Variants in TMEM135 observed in about 807,000 individuals in gnomAD.
The protein encoded by TMEM135 is transmembrane protein 135, also known as peroxisomal membrane protein 52.
TMEM135 carries 30 observed loss-of-function variants against 60.3 expected under a neutral mutation model. That is an observed-to-expected ratio of 0.50 (90% CI 0.37 to 0.68). The LOEUF is 0.68. Ranked by LOEUF, TMEM135 falls within the 30% of genes least tolerant of loss-of-function variation. The probability of loss-of-function intolerance (pLI) is 0.00; values close to 1 mark genes in which losing one functional copy is unlikely to be tolerated. For synonymous variants in TMEM135, 190 were observed against 186.7 expected (o/e 1.02, Z -0.14); for missense variants, 468 against 548.8 (o/e 0.85, Z 1.47).
rs532448599 is a variant in TMEM135 at position 87,169,994 on chromosome 11, C to T, written c.462+12588C>T. ...TCCCATATTTCTTGGAGGCTTCCTT[C>T]GTTCCTTTTTAGTCTTTTTTTTTTC... On this transcript the variant is annotated intron_variant, in intron 5 of 14. Transcript: ENST00000305494. Among the ~76,000 whole-genome samples the T allele has an allele frequency of 2.9e-3, 432 of 149,538 alleles. 2 individuals carry two copies. The highest frequency in any genetic ancestry group is 9.7e-3 in the African/African-American group (395 of 40,632).
intron 8 of TMEM135, among the ~76,000 whole-genome samples, chr11:87,302,988 G>C (rs1458163057): frequency 8.6e-5 from 13 of 152,044 alleles, no homozygotes; most frequent in Non-Finnish European, 1.3e-4. Context: ...TTAATAGTTT[G>C]AAATTAGATT....
At chr11:87,089,327 A>C (rs559622510) in intron 3 of TMEM135, among the ~76,000 whole-genome samples, 1 of 152,294 alleles carries the variant, frequency 6.6e-6, no homozygotes, top group Non-Finnish European at 1.5e-5. Flanking sequence ...CTAAATCCAG[A>C]AACTTGAACC....
At chr11:87,142,968 A>G (rs2135247865) in intron 4 of TMEM135, among the ~76,000 whole-genome samples, 1 of 147,424 alleles carries the variant, frequency 6.8e-6, no homozygotes, top group Non-Finnish European at 1.5e-5. Flanking sequence ...GAACTATTTG[A>G]TATTTCTTGG....
At chr11:87,169,661 G>A (rs1252820517) in intron 5 of TMEM135, among the ~76,000 whole-genome samples, 1 of 152,104 alleles carries the variant, frequency 6.6e-6, no homozygotes, top group Non-Finnish European at 1.5e-5. Context: ...GGTTTCTGTA[G>A]AGATACCTGC....
intron 6 of TMEM135, among the ~76,000 whole-genome samples, chr11:87,268,362 C>T (rs1056672751): frequency 4.0e-5 from 6 of 151,650 alleles, no homozygotes; most frequent in Non-Finnish European, 5.9e-5. Context: ...GCAATCCCCC[C>T]ACCTTGGCCT....
At chr11:87,216,929 TAAGTAAGTAGTGTATGTAATAA>T (rs1940515236) in intron 5 of TMEM135, among the ~76,000 whole-genome samples, 1 of 152,186 alleles carries the variant, frequency 6.6e-6, no homozygotes, top group South Asian at 2.1e-4. Context: ...TATTTACATC[TAAGTAAGTAGTGTATGTAATAA>T]AATAGCATAA....
chr11:87,195,722 T>C (rs982589112), intron 5 of TMEM135, among the ~76,000 whole-genome samples: 11 of 152,178 alleles, frequency 7.2e-5, no homozygotes, highest in African/African-American at 2.2e-4. Flanking sequence ...AAAAGTCATT[T>C]TCTTACTTCA....
intron 5 of TMEM135, among the ~76,000 whole-genome samples, chr11:87,191,988 T>TTTC (rs1555116179): frequency 1.3e-5 from 1 of 75,708 alleles, no homozygotes. Context: ...TTTTCTTTTC[T>TTTC]TTTTTTTTTT....
chr11:87,095,364 C>T (rs932600413), intron 4 of TMEM135: 1 of 216,614 alleles, frequency 4.6e-6, no homozygotes, highest in South Asian at 8.5e-5. Context: ...CAGTTTTCTA[C>T]CACAATAAAA....
At chr11:87,069,130 C>G (rs1856724801) in intron 2 of TMEM135, among the ~76,000 whole-genome samples, 2 of 150,596 alleles carry the variant, frequency 1.3e-5, no homozygotes, top group South Asian at 4.2e-4. Context: ...ACTAAAAATA[C>G]AAAAAATTAG....
intron 5 of TMEM135, among the ~76,000 whole-genome samples, chr11:87,205,868 T>C (rs1591102953): frequency 2.6e-5 from 4 of 152,278 alleles, no homozygotes; most frequent in South Asian, 2.1e-4. Flanking sequence ...GGATAAGGAA[T>C]TGGGGACTTG....
At chr11:87,113,716 A>T (rs1857809538) in intron 4 of TMEM135, among the ~76,000 whole-genome samples, 1 of 146,208 alleles carries the variant, frequency 6.8e-6, no homozygotes, top group Admixed American at 6.9e-5. Flanking sequence ...GAAAGCTGAG[A>T]TCTTTTCAGT....
chr11:87,253,919 A>G (rs61904477), intron 6 of TMEM135, among the ~76,000 whole-genome samples: 99,723 of 151,242 alleles, frequency 0.66, 33,377 homozygotes, highest in Non-Finnish European at 0.71. Context: ...TTTACTCTTT[A>G]GAAGTTATGA....
chr11:87,074,261 C>T (rs111472778), intron 3 of TMEM135, among the ~76,000 whole-genome samples: 2,019 of 152,236 alleles, frequency 0.013, 31 homozygotes, highest in Middle Eastern at 0.044. Context: ...CTACTGGGCC[C>T]GGCCTGTCGG....
At chr11:87,159,377 T>TC (rs913138946) in intron 5 of TMEM135, among the ~76,000 whole-genome samples, 10 of 152,302 alleles carry the variant, frequency 6.6e-5, no homozygotes, top group African/African-American at 2.2e-4. Context: ...TTTCTTTTTT[T>TC]CCCCACTGAC....
At chr11:87,169,492 G>A (rs778371534) in intron 5 of TMEM135, among the ~76,000 whole-genome samples, 1 of 151,652 alleles carries the variant, frequency 6.6e-6, no homozygotes, top group Non-Finnish European at 1.5e-5. Context: ...TGTGAGGCAG[G>A]CCTGGTGGTG....
chr11:87,298,086 T>G (rs1209136223), intron 7 of TMEM135, among the ~76,000 whole-genome samples: 1 of 152,254 alleles, frequency 6.6e-6, no homozygotes, highest in Non-Finnish European at 1.5e-5. Context: ...GACATGTCTT[T>G]CCTGCTACCT....
intron 5 of TMEM135, among the ~76,000 whole-genome samples, chr11:87,190,792 T>C (rs1240988003): frequency 6.6e-6 from 1 of 152,198 alleles, no homozygotes; most frequent in Non-Finnish European, 1.5e-5. Flanking sequence ...ATTTTTGCAA[T>C]AGATATTTCT....
At chr11:87,209,126 T>A (rs1324085989) in intron 5 of TMEM135, among the ~76,000 whole-genome samples, 4 of 152,160 alleles carry the variant, frequency 2.6e-5, no homozygotes, top group Admixed American at 6.5e-5. Context: ...ATTGGCACTA[T>A]AAAGCAACTA....
Sources: gnomAD v4.1 joint callset for allele counts (sites outside exome capture counted in the v4.1 genomes callset) on GRCh38, gnomAD v4.1.1 for gene constraint, MANE v1.5 for transcripts, NCBI Gene and HGNC (gene_info 2026-07-23, HGNC 2026-07-21) for gene names.